ALG13: variants seen among roughly 807,000 people sequenced by gnomAD.
ALG13 encodes the protein UDP-N-acetylglucosamine transferase subunit ALG13.
A neutral mutation model predicts 87.8 loss-of-function variants in ALG13; 11 were observed. The observed-to-expected ratio is 0.13, with a 90% CI of 0.08 to 0.21. ALG13 has a LOEUF of 0.21. Ranked by LOEUF, ALG13 falls within the 10% of genes least tolerant of loss-of-function variation. The pLI, the probability that ALG13 is intolerant of heterozygous loss-of-function variation, is 1.00. For synonymous variants in ALG13, 320 were observed against 306.3 expected, an observed-to-expected ratio of 1.04 and a Z score of -0.47; for missense variants, 756 against 866.1, an observed-to-expected ratio of 0.87 and a Z score of 1.60.
At chrX:111,757,101 C>G (rs968187757) in intron 25 of ALG13, among the ~76,000 whole-genome samples, 1 of 111,911 alleles carries the variant, frequency 8.9e-6, no homozygotes, top group African/African-American at 3.2e-5. Flanking sequence ...TCTATGATCA[C>G]TGTATACTTT....
intron 3 of ALG13, among the ~76,000 whole-genome samples, chrX:111,687,048 C>T (rs1461219180): frequency 9.0e-6 from 1 of 111,270 alleles, no homozygotes; most frequent in Non-Finnish European, 1.9e-5. Context: ...ACCTCCACCT[C>T]CCAGGTTCAA....
intron 23 of ALG13, among the ~76,000 whole-genome samples, chrX:111,741,194 A>G (rs907449544): frequency 8.9e-6 from 1 of 112,029 alleles, no homozygotes; most frequent in African/African-American, 3.2e-5. Context: ...CAAAATCCAG[A>G]CTATGGGAAG....
At chrX:111,691,429 G>A (rs1245855444) in intron 3 of ALG13, among the ~76,000 whole-genome samples, 2 of 111,622 alleles carry the variant, frequency 1.8e-5, no homozygotes, top group Non-Finnish European at 3.8e-5. Context: ...TGGGGAGTGG[G>A]GAGTGAAAAA....
At chrX:111,728,892 T>A (rs771725179) in intron 19 of ALG13, among the ~76,000 whole-genome samples, 1 of 111,798 alleles carries the variant, frequency 8.9e-6, no homozygotes, top group African/African-American at 3.2e-5. Flanking sequence ...ATGACATGGC[T>A]AAGGTCATAT....
At chrX:111,689,758 C>G in intron 3 of ALG13, 1 of 744,308 alleles carries the variant, frequency 1.3e-6, no homozygotes, top group Non-Finnish European at 1.6e-6. Context: ...TCCCAGTCCC[C>G]TGCTCTTTCT....
intron 21 of ALG13, chrX:111,734,433 C>T (rs2148306650): frequency 8.9e-6 from 1 of 112,186 alleles, no homozygotes; most frequent in African/African-American, 3.2e-5. Flanking sequence ...CACCTTTTCA[C>T]AGTAAGGTAC....
intron 8 of ALG13, among the ~76,000 whole-genome samples, chrX:111,715,264 C>T (rs898145656): frequency 1.8e-5 from 2 of 111,745 alleles, no homozygotes; most frequent in African/African-American, 6.5e-5. Flanking sequence ...TTTTCATGTA[C>T]AGGATAGTGC....
intron 4 of ALG13, 140 bp from the exon 5 acceptor site, chrX:111,708,825 T>C (rs1939227848): frequency 2.5e-6 from 1 of 401,727 alleles, no homozygotes; most frequent in Non-Finnish European, 4.2e-6. Flanking sequence ...AAAAAAACTT[T>C]TAGTAAGATG....
chrX:111,708,517 A>G, intron 4 of ALG13, 124 bp downstream of exon 4: 5 of 861,917 alleles, frequency 5.8e-6, no homozygotes, highest in South Asian at 2.5e-5. Flanking sequence ...CGGGCCTGTC[A>G]AGGTCCTAGA....
At position 111,708,015 on chromosome X, in the gene ALG13, T is replaced by G; in HGVS notation, c.384-12T>G. On this transcript the variant is annotated splice_polypyrimidine_tract_variant and intron_variant, in intron 3 of 26. Transcript: ENST00000394780. ...TTCCTAGGAGGATTGGCTCTTCCTC[T>G]TCTTTTCACAGGGTCCTGACTTGTC... 2 of 1,194,459 alleles carry G rather than the reference T, an allele frequency of 1.7e-6. No individual in the cohort carries two copies. The highest frequency in any genetic ancestry group is 1.1e-6 in the Non-Finnish European group (1 of 885,714).
chrX:111,738,346 T>C (rs1480367664), intron 23 of ALG13, among the ~76,000 whole-genome samples: 1 of 111,848 alleles, frequency 8.9e-6, no homozygotes, highest in Non-Finnish European at 1.9e-5. Context: ...TTTGGAATAT[T>C]TGCATTATGC....
chrX:111,686,012 T>C (rs1393461230), intron 3 of ALG13: 3 of 391,943 alleles, frequency 7.7e-6, no homozygotes, highest in Non-Finnish European at 1.2e-5. Flanking sequence ...TGAGAAGCCA[T>C]TGAAGTATTT....
Position 111,723,790 on chromosome X carries a change from CT to C in ALG13, c.1501-4del. ...CTAGTCTTGAGACTAGAAGTATTCT[CT>C]TTTCAGGTTTGCTTGGAATCAGAAG... On this transcript the variant is annotated splice_polypyrimidine_tract_variant and splice_region_variant and intron_variant, in intron 13 of 26. Transcript: ENST00000394780. 1 of 1,128,094 alleles carries C rather than the reference CT, an allele frequency of 8.9e-7. No homozygotes were observed. The highest frequency in any genetic ancestry group is 2.0e-5 in the South Asian group (1 of 50,218). The allele number at this position is 1,128,094 out of a possible 1,213,427, so 93.0% of individuals were successfully genotyped here. A position where few individuals can be genotyped will look rare whatever the true frequency, so the allele number is the denominator to read the frequency against.
At position 111,708,281 on chromosome X, in the gene ALG13, G is replaced by C; in HGVS notation, c.638G>C (p.Ser213Thr). 1 of 1,211,701 alleles carries C rather than the reference G, an allele frequency of 8.3e-7. No individual in the cohort carries two copies. Among genetic ancestry groups the C allele is most frequent in the Non-Finnish European group, 1.1e-6 (1 of 895,452 alleles). The change falls in exon 4 of 27, where the codon AGC becomes ACC. Residue 213 changes from serine (S) to threonine (T), a missense_variant. Coordinates refer to ENST00000394780, the MANE Select transcript of ALG13 (RefSeq NM_001099922.3). ...KMHKGWKNYC[S>T]QKSLNEASMD... ...CATAAAGGATGGAAAAACTACTGCA[G>C]CCAGAAGTCTTTGAATGAGGCATCA...
At chrX:111,728,161 T>C (rs1258003267) in intron 18 of ALG13, 24 bp from the exon 19 acceptor site, 2 of 1,195,849 alleles carry the variant, frequency 1.7e-6, no homozygotes, top group Non-Finnish European at 2.3e-6. Context: ...AGAACTGCAG[T>C]GTGTGTGTGT....
chrX:111,691,597 G>A (rs1936161186), intron 3 of ALG13, among the ~76,000 whole-genome samples: 1 of 112,138 alleles, frequency 8.9e-6, no homozygotes, highest in African/African-American at 3.2e-5. Context: ...TCATTTTAGG[G>A]TCCAAGAGAT....
intron 3 of ALG13, chrX:111,688,099 A>G (rs1369729112): frequency 8.2e-6 from 7 of 858,153 alleles, no homozygotes; most frequent in African/African-American, 2.1e-5. Context: ...ACAAAATAAT[A>G]TAATTAATAA....
rs745826764 is a variant in ALG13, at chrX:111,682,257, A to C, written c.207A>C (p.Glu69Asp). 4.2e-6 allele frequency: 5 copies of C among 1,193,437 alleles called. No individual in the cohort carries two copies. The African/African-American group carries it at 5.3e-5, about 13-fold the overall frequency. The change falls in exon 2 of 27, where the codon GAA becomes GAC. Residue 69 changes from glutamate (E) to aspartate (D), a missense_variant. By Grantham distance (45) the Glu-to-Asp change is conservative. Coordinates refer to ENST00000394780, the MANE Select transcript of ALG13 (RefSeq NM_001099922.3). ...ACAGGTACAAGGATTCCTTGAAAGA[A>C]GACATTCAGAAAGCAGATCTTGTTA... is the stretch of plus-strand genomic sequence containing the variant. ...DVYRYKDSLK[E>D]DIQKADLVIS...
At chrX:111,699,826 C>G (rs1937487602) in intron 3 of ALG13, among the ~76,000 whole-genome samples, 1 of 110,620 alleles carries the variant, frequency 9.0e-6, no homozygotes, top group Non-Finnish European at 1.9e-5. Context: ...ATGCTGCCAG[C>G]TTTGTTCTTT....
Sources: allele counts gnomAD v4.1 joint callset (sites outside exome capture counted in the v4.1 genomes callset), GRCh38; gene constraint gnomAD v4.1.1; transcripts MANE v1.5; gene names NCBI Gene and HGNC (gene_info 2026-07-23, HGNC 2026-07-21).